KIF16B: variants seen among roughly 807,000 people sequenced by gnomAD.
The protein encoded by KIF16B is kinesin-like protein KIF16B.
In KIF16B, 98 loss-of-function variants were observed where a neutral mutation model predicts 156.3. That is an observed-to-expected ratio of 0.63 (90% CI 0.53 to 0.74). The LOEUF is 0.74. KIF16B is among the 30% of genes least tolerant of loss of function. KIF16B has a pLI of 0.00. For missense variants in KIF16B, 1,421 were observed against 1,606.5 expected, an observed-to-expected ratio of 0.88 and a Z score of 1.97; for synonymous variants, 564 against 583.7, an observed-to-expected ratio of 0.97 and a Z score of 0.49.
chr20:16,423,560 C>A lies in KIF16B; in HGVS notation c.1612+3544G>T, dbSNP rs1180267108. 2.6e-5 allele frequency among the ~76,000 whole-genome samples: 4 copies of A among 152,058 alleles called. No individual in the cohort carries two copies. The East Asian group carries it at 7.7e-4, about 29-fold the overall frequency. On this transcript the variant is annotated intron_variant, in intron 15 of 25. Coordinates refer to ENST00000354981, the MANE Select transcript of KIF16B (RefSeq NM_024704.5). ...CATGTATTAATAATGATTTTGAAAA[C>A]CAGTACAAGCCTCTTGTAAAAATCC... is the stretch of plus-strand genomic sequence containing the variant.
rs867152815 is a variant in KIF16B at position 16,410,032 on chromosome 20, G to T, written c.1613-3576C>A. On this transcript the variant is annotated intron_variant, in intron 15 of 25. Transcript: ENST00000354981. ...ATATGTAGGTACATATATATATGTA[G>T]GTACATATATATATGTTGGTACATA... 1.9e-4 allele frequency among the ~76,000 whole-genome samples: 12 copies of T among 61,756 alleles called. 1 individual carries two copies. The highest frequency in any genetic ancestry group is 4.7e-4 in the African/African-American group (6 of 12,714). 40.5% of individuals were successfully genotyped at this position (61,756 alleles called of 152,430 possible). A position where few individuals can be genotyped will look rare whatever the true frequency, so the allele number is the denominator to read the frequency against.
intron 4 of KIF16B, 55 bp downstream of exon 4, chr20:16,515,493 C>A: frequency 1.1e-6 from 1 of 891,702 alleles, no homozygotes; most frequent in South Asian, 1.4e-5. Flanking sequence ...ATCATTCTAC[C>A]AGTCCAGAGA....
chr20:16,322,055 C>G (rs1568848550), intron 24 of KIF16B, among the ~76,000 whole-genome samples: 1 of 151,896 alleles, frequency 6.6e-6, no homozygotes, highest in Admixed American at 6.6e-5. Flanking sequence ...GAGTAAAACA[C>G]AGGAAACAAA....
chr20:16,411,482 G>T (rs2065953870), intron 15 of KIF16B, among the ~76,000 whole-genome samples: 2 of 151,986 alleles, frequency 1.3e-5, no homozygotes, highest in South Asian at 4.1e-4. Context: ...AACATAAATG[G>T]TTCCTGTGTT....
At chr20:16,497,570 G>A (rs767176448) in intron 11 of KIF16B, 43 bp downstream of exon 11, 26 of 1,476,576 alleles carry the variant, frequency 1.8e-5, no homozygotes, top group Non-Finnish European at 2.4e-5. Flanking sequence ...TAAAATAATA[G>A]TAAAAGTTAT....
intron 17 of KIF16B, among the ~76,000 whole-genome samples, chr20:16,387,649 G>T (rs1208849105): frequency 6.6e-6 from 1 of 152,190 alleles, no homozygotes; most frequent in Non-Finnish European, 1.5e-5. Flanking sequence ...AGGCTTAGAA[G>T]GAAATGTCTG....
chr20:16,402,198 C>G (rs1157351272), intron 17 of KIF16B, among the ~76,000 whole-genome samples: 1 of 152,196 alleles, frequency 6.6e-6, no homozygotes, highest in Non-Finnish European at 1.5e-5. Flanking sequence ...CATTTTCTCT[C>G]CATACAAGTC....
chr20:16,566,011 A>T (rs1387141521), intron 1 of KIF16B, among the ~76,000 whole-genome samples: 1 of 152,264 alleles, frequency 6.6e-6, no homozygotes, highest in Non-Finnish European at 1.5e-5. Flanking sequence ...AACGCACCAA[A>T]AGTTTATGAG....
intron 12 of KIF16B, among the ~76,000 whole-genome samples, chr20:16,452,519 A>G (rs1481478019): frequency 6.6e-6 from 1 of 152,178 alleles, no homozygotes; most frequent in Admixed American, 6.5e-5. Context: ...ATGACCGGAA[A>G]CAGGGATGCA....
Position 16,273,130 on chromosome 20 carries a change from G to T in KIF16B, c.*123C>A. ...AAACGTGAGGTGGCCCGGGCCCGCT[G>T]CTGCATGTCTGTCTTCAGCAGGAGG... On this transcript the variant is annotated 3_prime_UTR_variant, in exon 26 of 26. Coordinates refer to ENST00000354981, the MANE Select transcript of KIF16B (RefSeq NM_024704.5). The T allele has an allele frequency of 1.2e-6, 1 of 815,900 alleles. No homozygotes were observed. Among genetic ancestry groups the T allele is most frequent in the Non-Finnish European group, 2.0e-6 (1 of 491,368 alleles). The allele number at this position is 815,900 out of a possible 1,614,324, so 50.5% of individuals were successfully genotyped here.
chr20:16,387,422 G>A (rs2123499671), intron 17 of KIF16B, among the ~76,000 whole-genome samples: 1 of 152,218 alleles, frequency 6.6e-6, no homozygotes, highest in South Asian at 2.1e-4. Flanking sequence ...AAGAACAGAA[G>A]GATCATCTGA....
intron 3 of KIF16B, among the ~76,000 whole-genome samples, chr20:16,517,474 T>C (rs1215725818): frequency 4.6e-5 from 7 of 152,210 alleles, no homozygotes; most frequent in African/African-American, 1.7e-4. Context: ...GGGAGAGTAG[T>C]GTTACAAGAC....
In KIF16B at chr20:16,573,402, C is replaced by A. The variant is rs990600700; in HGVS notation, c.-127G>T. 4.6e-6 allele frequency: 5 copies of A among 1,082,638 alleles called. No homozygotes were observed. Among genetic ancestry groups the A allele is most frequent in the Admixed American group, 4.4e-5 (2 of 45,660 alleles). 67.1% of individuals were successfully genotyped at this position (1,082,638 alleles called of 1,614,324 possible). ...TCGCCCCCGCCCCTCTGCTCCCGGC[C>A]GGACCTGGAGTTCCGCGGCAGCCCC... On this transcript the variant is annotated 5_prime_UTR_variant, in exon 1 of 26. Coordinates refer to ENST00000354981, the MANE Select transcript of KIF16B (RefSeq NM_024704.5).
In KIF16B at chr20:16,392,587, G is replaced by C. The variant is rs1308542101; in HGVS notation, c.1785-10840C>G. On this transcript the variant is annotated intron_variant, in intron 17 of 25. Transcript: ENST00000354981. ...CCACCTGACACATGTGTACGCCTCT[G>C]AGATCGCACATGTGAAAGACAACAT... 2.0e-5 allele frequency among the ~76,000 whole-genome samples: 3 copies of C among 152,260 alleles called. No individual in the cohort carries two copies. The East Asian group carries it at 5.8e-4, about 29-fold the overall frequency.
chr20:16,410,686 T>A (rs994940404), intron 15 of KIF16B, among the ~76,000 whole-genome samples: 3 of 152,224 alleles, frequency 2.0e-5, no homozygotes, highest in African/African-American at 7.2e-5. Context: ...TTGCTTAGCA[T>A]CACCATCATT....
intron 12 of KIF16B, among the ~76,000 whole-genome samples, chr20:16,470,620 A>T (rs1600482598): frequency 6.6e-6 from 1 of 151,584 alleles, no homozygotes; most frequent in East Asian, 1.9e-4. Flanking sequence ...AGCAGCTGGA[A>T]CTACAGGCAT....
chr20:16,511,660 T>C (rs1453780137), intron 5 of KIF16B, 133 bp from the exon 6 acceptor site: 2 of 593,890 alleles, frequency 3.4e-6, no homozygotes, highest in East Asian at 2.8e-5. Flanking sequence ...GGTGACTGTG[T>C]ATCAGGTACA....
At chr20:16,498,983 C>T (rs113262869) in intron 10 of KIF16B, among the ~76,000 whole-genome samples, 2,494 of 152,030 alleles carry the variant, frequency 0.016, 65 homozygotes, top group African/African-American at 0.057. Flanking sequence ...GTATACTGAA[C>T]GAAAGCAGAG....
At position 16,379,453 on chromosome 20, in the gene KIF16B, A is replaced by G; in HGVS notation, c.2549T>C (p.Leu850Pro). ...EKDLVQQKDI[L>P]KKEVQEEQEI... is the part of the protein sequence containing the mutation. ...CTGTTCTTCTTGGACTTCTTTTTTC[A>G]GGATGTCTTTCTGCTGAACCAGGTC... Residue 850 changes from leucine (L) to proline (P), a missense_variant, in exon 19 of 26, where the codon CTG becomes CCG. Physicochemically the swap from Leu to Pro is moderately conservative, Grantham distance 98. Coordinates refer to ENST00000354981, the MANE Select transcript of KIF16B (RefSeq NM_024704.5). 1 of 1,613,590 alleles carries G rather than the reference A, an allele frequency of 6.2e-7. No homozygotes were observed. The highest frequency in any genetic ancestry group is 8.5e-7 in the Non-Finnish European group (1 of 1,179,900).
Sources: allele counts gnomAD v4.1 joint callset (sites outside exome capture counted in the v4.1 genomes callset), GRCh38; gene constraint gnomAD v4.1.1; transcripts MANE v1.5; gene names NCBI Gene and HGNC (gene_info 2026-07-23, HGNC 2026-07-21).